REPS1: variants seen among roughly 807,000 people sequenced by gnomAD.
REPS1 encodes the protein RALBP1 associated Eps domain containing 1, also known as ralBP1-associated Eps domain-containing protein 1.
In REPS1, 39 loss-of-function variants were observed where a neutral mutation model predicts 100.9. The observed-to-expected ratio is 0.39, with a 90% confidence interval of 0.30 to 0.50. The LOEUF is 0.50. Among genes scored for constraint, REPS1 ranks in the 20% least tolerant of loss-of-function variants. The pLI, the probability that REPS1 is intolerant of heterozygous loss-of-function variation, is 0.86. For synonymous variants in REPS1, 324 were observed against 340.3 expected (o/e 0.95, Z 0.53); for missense variants, 821 against 968.5 (o/e 0.85, Z 2.02).
chr6:138,922,585 G>C (rs1291153586), intron 10 of REPS1, among the ~76,000 whole-genome samples: 3 of 152,146 alleles, frequency 2.0e-5, no homozygotes, highest in Non-Finnish European at 1.5e-5. Flanking sequence ...CAGTAGGCCT[G>C]ATCTTAGGGA....
intron 4 of REPS1, 56 bp from the exon 5 acceptor site, chr6:138,944,678 G>T: frequency 6.5e-7 from 1 of 1,545,462 alleles, no homozygotes; most frequent in East Asian, 2.3e-5. Context: ...AAGTTACTAG[G>T]AAGTTTTCTT....
chr6:138,917,438 A>T (rs1780473743), intron 13 of REPS1, 117 bp downstream of exon 13: 2 of 765,712 alleles, frequency 2.6e-6, no homozygotes, highest in Non-Finnish European at 4.2e-6. Flanking sequence ...ACATAAATCA[A>T]AAAGTAACCT....
At chr6:138,915,609 C>A (rs1780312586) in intron 14 of REPS1, among the ~76,000 whole-genome samples, 1 of 151,850 alleles carries the variant, frequency 6.6e-6, no homozygotes, top group South Asian at 2.1e-4. Flanking sequence ...TGCATCACTA[C>A]ATCCGGCTAA....
chr6:138,933,326 T>C (rs11968957), intron 8 of REPS1, among the ~76,000 whole-genome samples: 1,581 of 152,348 alleles, frequency 0.01, 21 homozygotes, highest in African/African-American at 0.036. Context: ...AGCTCCACCA[T>C]TATGGTGCAA....
chr6:138,968,380 G>A (rs934510063), intron 1 of REPS1, among the ~76,000 whole-genome samples: 7 of 152,132 alleles, frequency 4.6e-5, no homozygotes, highest in African/African-American at 1.2e-4. Context: ...TAAAAATTAC[G>A]CATTGTTATT....
At chr6:138,954,088 AG>A (rs1218756527) in intron 1 of REPS1, among the ~76,000 whole-genome samples, 2 of 152,164 alleles carry the variant, frequency 1.3e-5, no homozygotes, top group Non-Finnish European at 2.9e-5. Flanking sequence ...AATAAAATCC[AG>A]GAACAGAAAA....
In REPS1 at chr6:138,988,110, A is replaced by C; in HGVS notation, c.-428T>G. The C allele has an allele frequency of 2.5e-6, 1 of 397,968 alleles. No individual in the cohort carries two copies. The highest frequency in any genetic ancestry group is 4.4e-5 in the Admixed American group (1 of 22,704). 24.7% of individuals were successfully genotyped at this position (397,968 alleles called of 1,614,324 possible). The stretch of plus-strand genomic sequence containing the variant: ...CTTCCCCTTCCGTCCACGCCTCCGG[A>C]GCGGCAGCGCTTCCCGGAAAGTTGT... On this transcript the variant is annotated 5_prime_UTR_variant, in exon 1 of 20. Transcript: ENST00000450536.
At chr6:138,987,425 G>A in intron 1 of REPS1, 105 bp downstream of exon 1, 3 of 1,234,172 alleles carry the variant, frequency 2.4e-6, no homozygotes, top group Non-Finnish European at 3.2e-6. Flanking sequence ...ACCCCCCGAG[G>A]AACCAGCCCC....
chr6:138,985,461 T>C (rs1428418221), intron 1 of REPS1, among the ~76,000 whole-genome samples: 2 of 152,212 alleles, frequency 1.3e-5, no homozygotes, highest in Non-Finnish European at 2.9e-5. Context: ...GCCCCAAATG[T>C]TTCCCACTTA....
chr6:138,971,554 T>C (rs1194971874), intron 1 of REPS1, among the ~76,000 whole-genome samples: 1 of 152,094 alleles, frequency 6.6e-6, no homozygotes, highest in Non-Finnish European at 1.5e-5. Flanking sequence ...AAATTATCAG[T>C]TTTTAAAAAA....
chr6:138,980,584 T>C (rs939960368), intron 1 of REPS1, among the ~76,000 whole-genome samples: 2 of 149,368 alleles, frequency 1.3e-5, no homozygotes, highest in African/African-American at 5.0e-5. Flanking sequence ...GGGCCTTCCC[T>C]TACACCTAAG....
intron 17 of REPS1, among the ~76,000 whole-genome samples, chr6:138,909,974 CT>C (rs1341584816): frequency 2.0e-5 from 3 of 152,104 alleles, no homozygotes; most frequent in Non-Finnish European, 4.4e-5. Context: ...AAATTATTCC[CT>C]CAAAGGGAAA....
chr6:138,912,895 G>C lies in REPS1; in HGVS notation c.1841C>G (p.Thr614Ser), dbSNP rs781671300. Reference sequence around the variant, plus strand: ...TGGTATCTGCTGAGGTGAGGTACTAGTGTGAGTTATGAGGCCATCGGCATC... The same window carrying C: ...TGGTATCTGCTGAGGTGAGGTACTACTGTGAGTTATGAGGCCATCGGCATC... ...PVDADGLITHTSTSPQQIPEQ... is the reference protein window; with the variant it reads ...PVDADGLITHSSTSPQQIPEQ... Residue 614 changes from threonine (T) to serine (S), a missense_variant, in exon 16 of 20, where the codon ACT (threonine) becomes AGT (serine). Physicochemically the swap from Thr to Ser is moderately conservative, Grantham distance 58. Around this residue, in one of 3 missense-constraint regions of REPS1, gnomAD observed 757 missense variants for 866.4 expected, o/e 0.87. Transcript: ENST00000450536. The C allele has an allele frequency of 6.2e-7, 1 of 1,614,130 alleles. No homozygotes were observed. Among genetic ancestry groups the C allele is most frequent in the South Asian group, 1.1e-5 (1 of 91,080 alleles).
At position 138,943,908 on chromosome 6, in the gene REPS1, C is replaced by T; in HGVS notation, c.861G>A (p.Gln287=). 1 of 1,613,652 alleles carries T rather than the reference C, an allele frequency of 6.2e-7. No homozygotes were observed. The highest frequency in any genetic ancestry group is 8.5e-7 in the Non-Finnish European group (1 of 1,179,692). ...DPWKITDEQR[Q]YYVNQFKTIQ... ...TGGTTTTAAACTGATTTACATAATACTGTCTTTGTTCATCTGTTATTTTCC... is the reference window on the plus strand; with the variant it reads ...TGGTTTTAAACTGATTTACATAATATTGTCTTTGTTCATCTGTTATTTTCC... Residue 287 remains glutamine (Q), a synonymous_variant, in exon 6 of 20, where the codon CAG becomes CAA. Coordinates refer to ENST00000450536, the MANE Select transcript of REPS1 (RefSeq NM_001286611.2).
chr6:138,983,879 C>G (rs1785094433), intron 1 of REPS1, among the ~76,000 whole-genome samples: 1 of 152,176 alleles, frequency 6.6e-6, no homozygotes, highest in Non-Finnish European at 1.5e-5. Context: ...TCCAAGAGAT[C>G]TGAATTGCCA....
chr6:138,980,941 C>A lies in REPS1; in HGVS notation c.153+6589G>T, dbSNP rs191886927. On this transcript the variant is annotated intron_variant, in intron 1 of 19. Coordinates refer to ENST00000450536, the MANE Select transcript of REPS1 (RefSeq NM_001286611.2). ...TGTATACCCCCAATACAAAGAACAG[C>A]CACAAAGAAGTCTTTGTTGAAAGTA... 6.2e-3 allele frequency among the ~76,000 whole-genome samples: 945 copies of A among 152,238 alleles called. 15 individuals carry two copies. The highest frequency in any genetic ancestry group is 0.022 in the African/African-American group (894 of 41,526).
rs184082815 is a variant in REPS1, at chr6:138,907,446, T to C, written c.2322+49A>G. The C allele has an allele frequency of 6.1e-6, 8 of 1,314,750 alleles. No homozygotes were observed. In the East Asian group the frequency reaches 1.8e-4, roughly 30 times the overall value. 81.4% of individuals were successfully genotyped at this position (1,314,750 alleles called of 1,614,324 possible). ...TGAGGTCACATTCCTTCTCTTTAGG[T>C]TTCTTTACTAAGATAAGGAACATTA... On this transcript the variant is annotated intron_variant, in intron 19 of 19. Transcript: ENST00000450536.
chr6:138,904,861 T>C lies in REPS1; in HGVS notation c.*203A>G. On this transcript the variant is annotated 3_prime_UTR_variant, in exon 20 of 20. Transcript: ENST00000450536. ...GTGTGCCAACAAACACAATCTACCC[T>C]CCAGAAAACGCCATCCTGACCTTTT... 1 of 457,194 alleles carries C rather than the reference T, an allele frequency of 2.2e-6. No individual in the cohort carries two copies. The highest frequency in any genetic ancestry group is 4.0e-6 in the Non-Finnish European group (1 of 251,694). The allele number at this position is 457,194 out of a possible 1,614,324, so 28.3% of individuals were successfully genotyped here.
intron 1 of REPS1, among the ~76,000 whole-genome samples, chr6:138,983,297 C>A (rs1312696864): frequency 1.3e-5 from 2 of 151,956 alleles, no homozygotes; most frequent in Non-Finnish European, 2.9e-5. Context: ...ACTAAAAATA[C>A]AAAAATTAGC....
Sources: allele counts gnomAD v4.1 joint callset (sites outside exome capture counted in the v4.1 genomes callset), GRCh38; gene constraint gnomAD v4.1.1; regional missense constraint gnomAD v4.1.1; transcripts MANE v1.5; gene names NCBI Gene and HGNC (gene_info 2026-07-23, HGNC 2026-07-21).